EML1: variants seen among roughly 807,000 people sequenced by gnomAD.
The protein encoded by EML1 is EMAP like 1.
In EML1, 27 loss-of-function variants were observed where a neutral mutation model predicts 110.4. That is an observed-to-expected ratio of 0.24 (90% CI 0.18 to 0.34). The LOEUF is 0.34. Ranked by LOEUF, EML1 falls within the 10% of genes least tolerant of loss-of-function variation. The pLI, the probability that EML1 is intolerant of heterozygous loss-of-function variation, is 1.00. For synonymous variants in EML1, 344 were observed against 385.8 expected (o/e 0.89, Z 1.27); for missense variants, 741 against 1,030.9 (o/e 0.72, Z 3.85).
At chr14:99,786,516 T>G (rs1199217785) in intron 1 of EML1, among the ~76,000 whole-genome samples, 2 of 152,210 alleles carry the variant, frequency 1.3e-5, no homozygotes, top group Non-Finnish European at 2.9e-5. Context: ...CAAAGCAGAC[T>G]GGCACAAGGG....
chr14:99,757,619 G>A (rs1345699699), intron 1 of EML1, among the ~76,000 whole-genome samples: 1 of 152,184 alleles, frequency 6.6e-6, no homozygotes, highest in African/African-American at 2.4e-5. Flanking sequence ...AGTCATATGT[G>A]TGTTGCTTGA....
Position 99,760,365 on chromosome 14 carries a change from C to A in EML1, c.28+22505C>A, listed in dbSNP as rs866615538. Among the ~76,000 whole-genome samples, 22 of 152,154 alleles carry A rather than the reference C, an allele frequency of 1.4e-4. 1 individual carries two copies. Among genetic ancestry groups the A allele is most frequent in the Non-Finnish European group, 2.4e-4 (16 of 68,032 alleles). Reference sequence around the variant, plus strand: ...AATGGTGCCTCCAGTTTCCTCCCCCCACCCTTATGTCACAAGCATTTCCCA... The same window carrying A: ...AATGGTGCCTCCAGTTTCCTCCCCCAACCCTTATGTCACAAGCATTTCCCA... On this transcript the variant is annotated intron_variant, in intron 1 of 10. Coordinates refer to the EML1 transcript ENST00000554479.
chr14:99,883,065 T>G (rs6575752), intron 4 of EML1, among the ~76,000 whole-genome samples: 3 of 152,048 alleles, frequency 2.0e-5, no homozygotes, highest in East Asian at 1.9e-4. Flanking sequence ...GCATCACTGC[T>G]GCCGTCGGCT....
intron 1 of EML1, among the ~76,000 whole-genome samples, chr14:99,748,311 G>T (rs1471451425): frequency 6.6e-6 from 1 of 152,172 alleles, no homozygotes; most frequent in East Asian, 1.9e-4. Context: ...GGAATATGTG[G>T]GGTGAGTGGT....
chr14:99,802,504 G>A (rs1354569131), intron 1 of EML1, among the ~76,000 whole-genome samples: 1 of 152,050 alleles, frequency 6.6e-6, no homozygotes, highest in East Asian at 1.9e-4. Flanking sequence ...CGGGGTGTTG[G>A]GAGCAAGACG....
At chr14:99,921,962 C>T (rs1224241289) in intron 17 of EML1, among the ~76,000 whole-genome samples, 1 of 152,132 alleles carries the variant, frequency 6.6e-6, no homozygotes, top group Non-Finnish European at 1.5e-5. Context: ...CCAAAAATTG[C>T]TTTTTCTGGA....
In EML1 at chr14:99,885,420, A is replaced by G. The variant is rs2059456405; in HGVS notation, c.519-5779A>G. 2.6e-5 allele frequency among the ~76,000 whole-genome samples: 4 copies of G among 152,232 alleles called. No homozygotes were observed. In the South Asian group the frequency reaches 8.3e-4, roughly 32 times the overall value. On this transcript the variant is annotated intron_variant, in intron 4 of 21. Coordinates refer to ENST00000262233, the MANE Select transcript of EML1 (RefSeq NM_004434.3). ...AACATAGAAAAGATACCATAAAAATACAGTATTATAATTTTGTGGGACCAC... is the reference window on the plus strand; with the variant it reads ...AACATAGAAAAGATACCATAAAAATGCAGTATTATAATTTTGTGGGACCAC...
intron 1 of EML1, among the ~76,000 whole-genome samples, chr14:99,832,588 G>A (rs11847930): frequency 2.7e-3 from 406 of 152,214 alleles, no homozygotes; most frequent in African/African-American, 9.0e-3. Context: ...AACTCATTTC[G>A]GTTTTAATTT....
rs75129232 is a variant in EML1, at chr14:99,863,960, G to C, written c.251-1554G>C. Among the ~76,000 whole-genome samples the C allele has an allele frequency of 8.5e-5, 13 of 152,380 alleles. No individual in the cohort carries two copies. In the East Asian group the frequency reaches 2.5e-3, roughly 29 times the overall value. ...TTTTTCATTCCCACCAGCAAGGAAT[G>C]AGAGTTCCTGTTGATCGGCATCCCG... On this transcript the variant is annotated intron_variant, in intron 2 of 21. Transcript: ENST00000262233.
Position 99,754,813 on chromosome 14 carries a change from CT to C in EML1, c.28+16955del, listed in dbSNP as rs538678979. Among the ~76,000 whole-genome samples, 117 of 152,268 alleles carry C rather than the reference CT, an allele frequency of 7.7e-4. 1 individual carries two copies. Among genetic ancestry groups the C allele is most frequent in the Non-Finnish European group, 1.5e-3 (102 of 68,010 alleles). On this transcript the variant is annotated intron_variant, in intron 1 of 10. Coordinates refer to the EML1 transcript ENST00000554479. ...TGGAGCCCACGCAGTGCTGGAGAAA[CT>C]TCTCCAGGTCATGCCTGTGAAGCTT... is the stretch of plus-strand genomic sequence containing the variant.
At chr14:99,759,774 C>G (rs1173666928) in intron 1 of EML1, among the ~76,000 whole-genome samples, 1 of 152,174 alleles carries the variant, frequency 6.6e-6, no homozygotes, top group Non-Finnish European at 1.5e-5. Flanking sequence ...AGCAGCAGGG[C>G]CTGGGGAAGC....
upstream of EML1, among the ~76,000 whole-genome samples, chr14:99,769,595 A>T (rs1307048814): frequency 6.6e-6 from 1 of 152,220 alleles, no homozygotes; most frequent in Non-Finnish European, 1.5e-5. Flanking sequence ...GAGACCTGAC[A>T]ACTAGTTCAG....
chr14:99,876,406 C>G (rs1384616191), intron 3 of EML1, among the ~76,000 whole-genome samples: 1 of 152,196 alleles, frequency 6.6e-6, no homozygotes, highest in African/African-American at 2.4e-5. Context: ...CAGGGCTCAC[C>G]CCCTCCTCTG....
intron 2 of EML1, 136 bp from the exon 3 acceptor site, chr14:99,865,378 G>C: frequency 9.4e-7 from 1 of 1,058,964 alleles, no homozygotes; most frequent in Non-Finnish European, 1.4e-6. Context: ...GAGATGAAGA[G>C]TTGCTCACTC....
At chr14:99,791,141 A>T (rs1011382844), upstream of EML1, among the ~76,000 whole-genome samples, 2 of 152,128 alleles carry the variant, frequency 1.3e-5, no homozygotes, top group Non-Finnish European at 2.9e-5. Context: ...AATTACAGGC[A>T]TAAGCCCCGC....
In EML1 at chr14:99,939,058, T is replaced by A. The variant is rs1453818328; in HGVS notation, c.2192-139T>A. On this transcript the variant is annotated intron_variant, in intron 20 of 21. Transcript: ENST00000262233. This position sits in a 1 kb window ranked among gnomAD's most constrained non-coding sequence, Gnocchi z 4.2. ...AGCGAGAGGCCAGGAACTGAGGCTA[T>A]TGTGCTTTTTTGACCCTTGTTTCTA... The A allele has an allele frequency of 7.7e-7, 1 of 1,301,874 alleles. No individual in the cohort carries two copies. Among genetic ancestry groups the A allele is most frequent in the Non-Finnish European group, 1.1e-6 (1 of 949,722 alleles). 80.6% of individuals were successfully genotyped at this position (1,301,874 alleles called of 1,614,324 possible). A position where few individuals can be genotyped will look rare whatever the true frequency, so the allele number is the denominator to read the frequency against.
chr14:99,851,964 G>A (rs2058815999), intron 2 of EML1, among the ~76,000 whole-genome samples: 1 of 152,180 alleles, frequency 6.6e-6, no homozygotes, highest in South Asian at 2.1e-4. Context: ...GACATCACCT[G>A]CTACAGAGCT....
In EML1 at chr14:99,824,330, CTTAT is replaced by C. The variant is rs527550997; in HGVS notation, c.68-26512_68-26509del. 1.8e-4 allele frequency among the ~76,000 whole-genome samples: 28 copies of C among 152,274 alleles called. 1 individual carries two copies. The highest frequency in any genetic ancestry group is 8.3e-4 in the South Asian group (4 of 4,824). On this transcript the variant is annotated intron_variant, in intron 1 of 21. Transcript: ENST00000262233. Reference sequence around the variant, plus strand: ...TATTCTCACCATGTTTCCTCTGTGTCTTATTTATTTATTTTTTAGATGCATCACG... The same window carrying C: ...TATTCTCACCATGTTTCCTCTGTGTCTTATTTATTTTTTAGATGCATCACG...
intron 1 of EML1, among the ~76,000 whole-genome samples, chr14:99,756,527 T>A (rs2057257108): frequency 6.6e-6 from 1 of 152,174 alleles, no homozygotes; most frequent in South Asian, 2.1e-4. Flanking sequence ...TTACTTCAGA[T>A]AACAGAGTGA....
Sources: allele counts gnomAD v4.1 joint callset (sites outside exome capture counted in the v4.1 genomes callset), GRCh38; gene constraint gnomAD v4.1.1; non-coding constraint Gnocchi (gnomAD v3.1); transcripts MANE v1.5; gene names NCBI Gene and HGNC (gene_info 2026-07-23, HGNC 2026-07-21).